The following ESR1 variants were observed in gnomAD, a reference collection of about 807,000 sequenced individuals.
ESR1 encodes the protein estrogen receptor 1.
ESR1 carries 12 observed loss-of-function variants against 52.7 expected under a neutral mutation model. The observed-to-expected ratio is 0.23, with a 90% confidence interval of 0.15 to 0.37. The LOEUF (loss-of-function observed/expected upper bound fraction) is 0.37. ESR1 is among the 10% of genes least tolerant of loss of function. The pLI is 1.00. For missense variants in ESR1, 584 were observed against 779.7 expected (o/e 0.75, Z 2.99); for synonymous variants, 305 against 316.8 (o/e 0.96, Z 0.39).
intron 3 of ESR1, among the ~76,000 whole-genome samples, chr6:151,894,816 A>C (rs1795219411): frequency 1.3e-5 from 2 of 152,234 alleles, no homozygotes; most frequent in Admixed American, 6.5e-5. Context: ...GAAATCAGGT[A>C]ATGTGATGCC....
At chr6:151,809,025 G>A (rs571950232) in intron 1 of ESR1, 3 of 266,430 alleles carry the variant, frequency 1.1e-5, no homozygotes, top group Admixed American at 5.1e-5. Flanking sequence ...GCGCTGGAGC[G>A]GATTGCTGGC....
intron 2 of ESR1, among the ~76,000 whole-genome samples, chr6:151,855,666 G>A (rs766402940): frequency 9.2e-5 from 14 of 152,176 alleles, no homozygotes; most frequent in Non-Finnish European, 2.1e-4. Context: ...CAAGGTGAAA[G>A]GTTGTGATAA....
At position 151,710,799 on chromosome 6, in the gene ESR1, C is replaced by T. The variant is rs1431189374; in HGVS notation, c.-71+8794C>T. 4.0e-5 allele frequency among the ~76,000 whole-genome samples: 6 copies of T among 151,362 alleles called. No homozygotes were observed. The East Asian group carries it at 9.8e-4, about 25-fold the overall frequency. The stretch of plus-strand genomic sequence containing the variant: ...CTTAGGTTCCCACTTATGAGTGTGG[C>T]GTTTGGTTTGATGTTCCTGTGTTAG... On this transcript the variant is annotated intron_variant, in intron 2 of 2. Coordinates refer to the ESR1 transcript ENST00000404742.
chr6:151,808,216 A>G lies in ESR1; in HGVS notation c.304A>G (p.Ser102Gly). 4 of 1,572,832 alleles carry G rather than the reference A, an allele frequency of 2.5e-6. No homozygotes were observed. The highest frequency in any genetic ancestry group is 3.5e-6 in the Non-Finnish European group (4 of 1,159,124). ...NGLGGFPPLNSVSPSPLMLLH... is the reference protein window; with the variant it reads ...NGLGGFPPLNGVSPSPLMLLH... ...CCTGGGGGGTTTCCCCCCACTCAAC[A>G]GCGTGTCTCCGAGCCCGCTGATGCT... The change falls in exon 1 of 8, where the codon AGC becomes GGC. Residue 102 changes from serine to glycine, a missense_variant. By Grantham distance (56) the Ser-to-Gly change is moderately conservative. Coordinates refer to ENST00000206249, the MANE Select transcript of ESR1 (RefSeq NM_000125.4).
intron 1 of ESR1, among the ~76,000 whole-genome samples, chr6:151,671,136 A>T (rs540128160): frequency 1.1e-3 from 161 of 152,316 alleles, no homozygotes; most frequent in Non-Finnish European, 1.9e-3. Flanking sequence ...TCTGAAAATC[A>T]TGAAGTAAAA....
chr6:151,968,880 C>T (rs937790903), intron 4 of ESR1, among the ~76,000 whole-genome samples: 5 of 152,016 alleles, frequency 3.3e-5, no homozygotes, highest in African/African-American at 4.8e-5. Context: ...TCAGAGCTGC[C>T]GTCTTGATTT....
intron 2 of ESR1, among the ~76,000 whole-genome samples, chr6:151,772,346 T>C (rs1785593075): frequency 6.6e-6 from 1 of 152,150 alleles, no homozygotes; most frequent in African/African-American, 2.4e-5. Context: ...GATTACACCA[T>C]AAAACAATGA....
intron 4 of ESR1, among the ~76,000 whole-genome samples, chr6:152,004,649 T>C (rs1171785484): frequency 6.6e-6 from 1 of 151,880 alleles, no homozygotes; most frequent in East Asian, 1.9e-4. Context: ...TGAATCTGTA[T>C]ATGTAAAAAA....
intron 3 of ESR1, among the ~76,000 whole-genome samples, chr6:151,925,121 TG>T (rs2032453081): frequency 6.7e-6 from 1 of 149,148 alleles, no homozygotes; most frequent in South Asian, 2.1e-4. Flanking sequence ...CCCCAGCATC[TG>T]GTTTTTTTTG....
intron 4 of ESR1, among the ~76,000 whole-genome samples, chr6:152,008,475 T>C (rs2042508725): frequency 6.6e-6 from 1 of 152,130 alleles, no homozygotes; most frequent in Admixed American, 6.6e-5. Flanking sequence ...CAAGTGCTTA[T>C]GGGGAGCTTC....
At chr6:151,752,146 T>A (rs1275396660) in intron 2 of ESR1, among the ~76,000 whole-genome samples, 1 of 152,214 alleles carries the variant, frequency 6.6e-6, no homozygotes. Context: ...TTTTAGCAGC[T>A]ACCAGATTTG....
chr6:151,893,849 A>G (rs964805062), intron 3 of ESR1, among the ~76,000 whole-genome samples: 2 of 152,208 alleles, frequency 1.3e-5, no homozygotes, highest in African/African-American at 4.8e-5. Context: ...CCTGAGGGAT[A>G]TGGGAACCAT....
At chr6:151,777,819 G>C (rs1260131781) in intron 2 of ESR1, among the ~76,000 whole-genome samples, 1 of 152,058 alleles carries the variant, frequency 6.6e-6, no homozygotes, top group Non-Finnish European at 1.5e-5. Flanking sequence ...AATTAGCCGG[G>C]CACGGTGGTG....
chr6:151,848,503 AAG>A (rs201375680), intron 2 of ESR1, among the ~76,000 whole-genome samples: 3,232 of 151,550 alleles, frequency 0.021, 49 homozygotes, highest in Non-Finnish European at 0.032. Context: ...TAAAAAAAAA[AAG>A]AGATCTTAGT....
intron 6 of ESR1, among the ~76,000 whole-genome samples, chr6:152,072,747 G>A (rs1026833866): frequency 6.6e-6 from 1 of 152,204 alleles, no homozygotes; most frequent in East Asian, 1.9e-4. Context: ...ATGTCAGGAG[G>A]GGACTGGCAG....
downstream of ESR1, among the ~76,000 whole-genome samples, chr6:152,103,980 C>CTTTTTTTTTTTTTTTT (rs369261779): frequency 1.1e-5 from 1 of 93,868 alleles, no homozygotes. Context: ...TTCATTCTAC[C>CTTTTTTTTTTTTTTTT]TTTTTTTTTT....
intron 1 of ESR1, among the ~76,000 whole-genome samples, chr6:151,699,534 C>T (rs1779612765): frequency 6.6e-6 from 1 of 152,126 alleles, no homozygotes; most frequent in Admixed American, 6.6e-5. Context: ...CCAGTTAGAA[C>T]ATTTGGCATA....
chr6:152,118,600 G>C (rs1247479643), intron 6 of ESR1, among the ~76,000 whole-genome samples: 2 of 151,168 alleles, frequency 1.3e-5, no homozygotes, highest in African/African-American at 2.4e-5. Flanking sequence ...GCCTGTCAGG[G>C]GGGTAGGAGG....
intron 4 of ESR1, among the ~76,000 whole-genome samples, chr6:151,945,795 T>C (rs1038233700): frequency 6.6e-6 from 1 of 152,248 alleles, no homozygotes; most frequent in Non-Finnish European, 1.5e-5. Context: ...AGTGAACTTA[T>C]GTCTGGCCTT....
Sources: gnomAD v4.1 joint callset for allele counts (sites outside exome capture counted in the v4.1 genomes callset) on GRCh38, gnomAD v4.1.1 for gene constraint, MANE v1.5 for transcripts, NCBI Gene and HGNC (gene_info 2026-07-23, HGNC 2026-07-21) for gene names.